Variants in LRRC57 observed in about 807,000 individuals in gnomAD.
LRRC57 encodes leucine-rich repeat-containing protein 57.
A neutral mutation model predicts 23.1 loss-of-function variants in LRRC57; 14 were observed. The ratio of observed to expected loss-of-function variants is 0.61; its 90% CI spans 0.40 to 0.95. The LOEUF (loss-of-function observed/expected upper bound fraction) is 0.95. Ranked by LOEUF, LRRC57 falls within the 40% of genes least tolerant of loss-of-function variation. LRRC57 has a pLI of 0.00. For synonymous variants in LRRC57, 106 were observed against 115.2 expected (o/e 0.92, Z 0.51); for missense variants, 236 against 284.4 (o/e 0.83, Z 1.22).
At chr15:42,546,877 G>A (rs1482237757) in intron 4 of LRRC57, among the ~76,000 whole-genome samples, 2 of 152,120 alleles carry the variant, frequency 1.3e-5, no homozygotes, top group Admixed American at 6.5e-5. Flanking sequence ...TCTGACTCCC[G>A]ACTCTGAGAA....
chr15:42,543,693 T>A lies in LRRC57; in HGVS notation c.*390A>T, dbSNP rs1285441441. 1 of 178,144 alleles carries A rather than the reference T, an allele frequency of 5.6e-6. No homozygotes were observed. The highest frequency in any genetic ancestry group is 2.4e-5 in the African/African-American group (1 of 42,494). The allele number at this position is 178,144 out of a possible 1,614,324, so 11.0% of individuals were successfully genotyped here. A position where few individuals can be genotyped will look rare whatever the true frequency, so the allele number is the denominator to read the frequency against. On this transcript the variant is annotated 3_prime_UTR_variant, in exon 6 of 6. Transcript: ENST00000397130. ...CACAGAGATGGAATGGCAACAGACTTTATGAAAGCTCACACAGTGAAACTA... is the reference window on the plus strand; with the variant it reads ...CACAGAGATGGAATGGCAACAGACTATATGAAAGCTCACACAGTGAAACTA...
chr15:42,545,315 T>TGCTTTTG, intron 4 of LRRC57, 53 bp from the exon 5 acceptor site: 1 of 1,290,948 alleles, frequency 7.7e-7, no homozygotes, highest in Non-Finnish European at 1.0e-6. Flanking sequence ...ACTATACTGG[T>TGCTTTTG]TACTTTTAGT....
the LRRC57 span, among the ~76,000 whole-genome samples, chr15:42,529,442 G>A: frequency 6.6e-6 from 1 of 152,194 alleles, no homozygotes; most frequent in East Asian, 1.9e-4. Flanking sequence ...TAAGCTTTGA[G>A]AAACACTGTT....
chr15:42,547,784 A>C, intron 3 of LRRC57: 1 of 543,308 alleles, frequency 1.8e-6, no homozygotes. Flanking sequence ...TCCGACAGCA[A>C]TTTTGTGATA....
At chr15:42,529,503 G>T in the LRRC57 span, among the ~76,000 whole-genome samples, 1 of 152,138 alleles carries the variant, frequency 6.6e-6, no homozygotes, top group Non-Finnish European at 1.5e-5. Context: ...TGCTCTCTTT[G>T]ATGAGTCTCC....
Position 42,545,128 on chromosome 15 carries a change from T to TTCCACAGCAAG in LRRC57, c.616_626dup (p.Glu209AspfsTer11). ...GTTTCTTTATTTCAAAAAGATTGCC[T>TTCCACAGCAAG]TCCACAGCAAGCAGACAGATCTGGG... On this transcript the variant is annotated frameshift_variant, in exon 5 of 6. Transcript: ENST00000397130. LOFTEE classifies it high-confidence loss of function. The TTCCACAGCAAG allele has an allele frequency of 6.2e-7, 1 of 1,609,252 alleles. No homozygotes were observed. Among genetic ancestry groups the TTCCACAGCAAG allele is most frequent in the Non-Finnish European group, 8.5e-7 (1 of 1,178,034 alleles).
chr15:42,534,097 C>T (rs2057587483), downstream of LRRC57, among the ~76,000 whole-genome samples: 1 of 152,096 alleles, frequency 6.6e-6, no homozygotes, highest in African/African-American at 2.4e-5. Context: ...TGGCATGTGC[C>T]TGTAATTCCT....
downstream of LRRC57, among the ~76,000 whole-genome samples, chr15:42,534,054 A>C (rs1166210852): frequency 2.0e-5 from 3 of 152,142 alleles, no homozygotes; most frequent in Admixed American, 2.0e-4. Context: ...GTGAAACCAC[A>C]TCTGTACTAA....
chr15:42,547,603 T>C, intron 3 of LRRC57, 74 bp from the exon 4 acceptor site: 1 of 1,350,498 alleles, frequency 7.4e-7, no homozygotes, highest in Admixed American at 2.2e-5. Flanking sequence ...TTATAAAGAC[T>C]ATATGGCAGC....
At chr15:42,529,481 T>A in the LRRC57 span, among the ~76,000 whole-genome samples, 1 of 152,214 alleles carries the variant, frequency 6.6e-6, no homozygotes, top group African/African-American at 2.4e-5. Flanking sequence ...CTTACATGGC[T>A]TTAAGATACT....
chr15:42,534,568 C>T (rs2057591002), downstream of LRRC57, among the ~76,000 whole-genome samples: 1 of 152,184 alleles, frequency 6.6e-6, no homozygotes, highest in Non-Finnish European at 1.5e-5. Context: ...AGAGGGTTTT[C>T]AGTTTACTTT....
At chr15:42,532,548 T>A in the LRRC57 span, 1 of 152,644 alleles carries the variant, frequency 6.6e-6, no homozygotes, top group Non-Finnish European at 1.5e-5. Context: ...ACAGGCCTAT[T>A]AACATCATAC....
chr15:42,528,734 C>T, the LRRC57 span, among the ~76,000 whole-genome samples: 10 of 151,988 alleles, frequency 6.6e-5, no homozygotes, highest in South Asian at 1.0e-3. Context: ...TACAGGTGTG[C>T]GCCACCACGC....
In LRRC57 at chr15:42,543,593, T is replaced by C. The variant is rs1193031978; in HGVS notation, c.*490A>G. The C allele has an allele frequency of 6.5e-6, 1 of 152,808 alleles. No homozygotes were observed. The highest frequency in any genetic ancestry group is 2.4e-5 in the African/African-American group (1 of 41,464). The allele number at this position is 152,808 out of a possible 1,614,324, so 9.5% of individuals were successfully genotyped here. A position where few individuals can be genotyped will look rare whatever the true frequency, so the allele number is the denominator to read the frequency against. On this transcript the variant is annotated 3_prime_UTR_variant, in exon 6 of 6. Transcript: ENST00000397130. ...CTGCGACTGAACTGATGGACTAGAA[T>C]AAAAATAATAAATCCTTAGATCCAT... is the stretch of plus-strand genomic sequence containing the variant.
At chr15:42,537,351 G>A (rs1212018733), downstream of LRRC57, among the ~76,000 whole-genome samples, 1 of 152,018 alleles carries the variant, frequency 6.6e-6, no homozygotes, top group Non-Finnish European at 1.5e-5. Flanking sequence ...ACAATGAGAT[G>A]ATCTCATTCC....
Position 42,547,486 on chromosome 15 carries a change from C to T in LRRC57, c.267G>A (p.Thr89=), listed in dbSNP as rs763024894. The T allele has an allele frequency of 1.9e-6, 3 of 1,613,754 alleles. No individual in the cohort carries two copies. Among genetic ancestry groups the T allele is most frequent in the East Asian group, 2.2e-5 (1 of 44,872 alleles). The change falls in exon 4 of 6, where the codon ACG becomes ACA. Residue 89 remains threonine (T), a synonymous_variant. Coordinates refer to ENST00000397130, the MANE Select transcript of LRRC57 (RefSeq NM_153260.3). The part of the protein sequence containing the change: ...DEICNLKKLE[T]LSLNNNHLRE... ...TAAGGTGATTGTTGTTTAGGCTTAG[C>T]GTCTCTAGTTTTTTCAGATTGCATA... is the stretch of plus-strand genomic sequence containing the variant.
downstream of LRRC57, among the ~76,000 whole-genome samples, chr15:42,537,252 C>CACACACACACACACACACACACACACAT (rs1555381687): frequency 7.3e-5 from 11 of 151,476 alleles, no homozygotes; most frequent in African/African-American, 2.4e-4. Context: ...CACACACACA[C>CACACACACACACACACACACACACACAT]ACACACACAC....
Position 42,539,626 on chromosome 15 carries a change from GA to G in LRRC57, c.*4456del, listed in dbSNP as rs960286261. ...CACAGCAAGATCTGTCGCAAAAAAA[GA>G]AAAAAAAAATTAGGTGACTTGGACT... is the stretch of plus-strand genomic sequence containing the variant. On this transcript the variant is annotated 3_prime_UTR_variant, in exon 6 of 6. Transcript: ENST00000397130. The G allele has an allele frequency of 1.3e-5, 2 of 148,894 alleles. No homozygotes were observed. The highest frequency in any genetic ancestry group is 3.0e-5 in the Non-Finnish European group (2 of 67,068). 9.2% of individuals were successfully genotyped at this position (148,894 alleles called of 1,614,324 possible).
At chr15:42,531,496 T>C in the LRRC57 span, 2 of 1,582,548 alleles carry the variant, frequency 1.3e-6, no homozygotes, top group South Asian at 2.3e-5. Flanking sequence ...GCTGTTCTTC[T>C]TTATCATTTA....
Sources: gnomAD v4.1 joint callset for allele counts (sites outside exome capture counted in the v4.1 genomes callset) on GRCh38, gnomAD v4.1.1 for gene constraint, MANE v1.5 for transcripts, NCBI Gene and HGNC (gene_info 2026-07-23, HGNC 2026-07-21) for gene names.